The following NALF1 variants were observed in gnomAD, a reference collection of about 807,000 sequenced individuals.
NALF1 encodes the protein NALCN channel auxiliary factor 1.
Under a neutral mutation model 48.4 loss-of-function variants are expected in NALF1, and 3 were observed. The observed-to-expected ratio is 0.06, with a 90% CI of 0.03 to 0.16. The LOEUF (loss-of-function observed/expected upper bound fraction) is 0.16, where lower values mean the gene tolerates loss of function less well. Ranked by LOEUF, NALF1 falls within the 10% of genes least tolerant of loss-of-function variation. NALF1 has a pLI of 1.00. For missense variants in NALF1, 526 were observed against 571.5 expected, an observed-to-expected ratio of 0.92 and a Z score of 0.81; for synonymous variants, 262 against 245.7, an observed-to-expected ratio of 1.07 and a Z score of -0.62.
At chr13:107,859,069 G>A (rs767347383) in intron 1 of NALF1, among the ~76,000 whole-genome samples, 8 of 152,086 alleles carry the variant, frequency 5.3e-5, no homozygotes, top group South Asian at 2.1e-4. Flanking sequence ...TCTGAACTTC[G>A]AGTTCCCCAC....
chr13:107,579,073 C>A (rs1594139676), intron 1 of NALF1, among the ~76,000 whole-genome samples: 1 of 152,262 alleles, frequency 6.6e-6, no homozygotes, highest in African/African-American at 2.4e-5. Context: ...TGCTAACATT[C>A]CATAATCACC....
At chr13:107,431,060 G>T (rs1287045989) in intron 1 of NALF1, among the ~76,000 whole-genome samples, 1 of 141,452 alleles carries the variant, frequency 7.1e-6, no homozygotes, top group Non-Finnish European at 1.6e-5. Context: ...GTGATGATGA[G>T]CATTTTTTCG....
chr13:107,542,625 T>C (rs937361885), intron 1 of NALF1, among the ~76,000 whole-genome samples: 1 of 152,144 alleles, frequency 6.6e-6, no homozygotes, highest in Non-Finnish European at 1.5e-5. Context: ...TTATTTGACA[T>C]GTGATTAGTA....
At chr13:107,266,796 A>G (rs1881048066) in intron 1 of NALF1, among the ~76,000 whole-genome samples, 1 of 152,216 alleles carries the variant, frequency 6.6e-6, no homozygotes. Context: ...ACTCCTGTCT[A>G]TTGCTCAATA....
At chr13:107,537,892 C>A (rs771902943) in intron 1 of NALF1, among the ~76,000 whole-genome samples, 27 of 152,058 alleles carry the variant, frequency 1.8e-4, no homozygotes, top group Non-Finnish European at 3.4e-4. Flanking sequence ...GTGGCACATA[C>A]CTGTAATCCC....
chr13:107,545,656 G>C (rs889007867), intron 1 of NALF1, among the ~76,000 whole-genome samples: 1 of 152,042 alleles, frequency 6.6e-6, no homozygotes, highest in Non-Finnish European at 1.5e-5. Flanking sequence ...AGCATGGTCT[G>C]AAAAGGTGAG....
intron 1 of NALF1, among the ~76,000 whole-genome samples, chr13:107,665,283 C>T (rs1480968534): frequency 6.6e-6 from 1 of 152,046 alleles, no homozygotes; most frequent in African/African-American, 2.4e-5. Flanking sequence ...TAACAAGCAG[C>T]CAATGAGATT....
At chr13:107,461,388 G>A (rs1052800225) in intron 1 of NALF1, among the ~76,000 whole-genome samples, 1 of 152,092 alleles carries the variant, frequency 6.6e-6, no homozygotes, top group African/African-American at 2.4e-5. Flanking sequence ...CACATCTAAT[G>A]TCATTTATGA....
At chr13:107,416,805 A>G (rs1276954203) in intron 1 of NALF1, among the ~76,000 whole-genome samples, 1 of 152,244 alleles carries the variant, frequency 6.6e-6, no homozygotes. Context: ...TCTTTAAAAC[A>G]GTATTTACAT....
chr13:107,517,721 G>A (rs977936681), intron 1 of NALF1, among the ~76,000 whole-genome samples: 2 of 152,120 alleles, frequency 1.3e-5, no homozygotes, highest in African/African-American at 4.8e-5. Context: ...TTGGGAGTCT[G>A]AGGCAGGTGG....
intron 1 of NALF1, among the ~76,000 whole-genome samples, chr13:107,656,244 T>C (rs557005318): frequency 1.3e-5 from 2 of 151,866 alleles, no homozygotes; most frequent in South Asian, 4.1e-4. Context: ...GAAAAAATCT[T>C]CACAATCTAT....
chr13:107,395,265 C>T (rs528720202), intron 1 of NALF1, among the ~76,000 whole-genome samples: 4 of 152,254 alleles, frequency 2.6e-5, no homozygotes, highest in African/African-American at 9.6e-5. Flanking sequence ...ACATTCATTA[C>T]ACTTATACCT....
chr13:107,241,086 C>T (rs1594085197), intron 1 of NALF1, among the ~76,000 whole-genome samples: 1 of 143,446 alleles, frequency 7.0e-6, no homozygotes, highest in Middle Eastern at 3.6e-3. Flanking sequence ...CCGAACTACT[C>T]AGGAGGCTGA....
intron 1 of NALF1, among the ~76,000 whole-genome samples, chr13:107,468,501 A>G (rs891533685): frequency 1.3e-5 from 2 of 152,248 alleles, no homozygotes; most frequent in African/African-American, 4.8e-5. Flanking sequence ...ATCCACTTCA[A>G]TTGTGTGCAA....
intron 2 of NALF1, among the ~76,000 whole-genome samples, chr13:107,182,129 C>T (rs1410672846): frequency 3.9e-5 from 6 of 152,106 alleles, no homozygotes; most frequent in Non-Finnish European, 8.8e-5. Context: ...CTTTCGTCAT[C>T]GCCTAATCAC....
intron 1 of NALF1, among the ~76,000 whole-genome samples, chr13:107,582,830 T>G (rs1878352812): frequency 6.6e-6 from 1 of 152,160 alleles, no homozygotes; most frequent in Admixed American, 6.6e-5. Context: ...AGTTTGAAAC[T>G]TTCATGTGTA....
At chr13:107,538,414 C>A (rs1248735263) in intron 1 of NALF1, among the ~76,000 whole-genome samples, 5 of 152,092 alleles carry the variant, frequency 3.3e-5, no homozygotes, top group African/African-American at 1.2e-4. Flanking sequence ...TCGGCATAAT[C>A]CTACAACATA....
At chr13:107,681,729 C>T (rs1186479569) in intron 1 of NALF1, among the ~76,000 whole-genome samples, 1 of 152,124 alleles carries the variant, frequency 6.6e-6, no homozygotes, top group Non-Finnish European at 1.5e-5. Context: ...CTAGGGGAGG[C>T]CATCCTCTCA....
intron 1 of NALF1, among the ~76,000 whole-genome samples, chr13:107,615,357 CT>C (rs1879352402): frequency 6.6e-6 from 1 of 152,132 alleles, no homozygotes; most frequent in African/African-American, 2.4e-5. Flanking sequence ...GGTCTGCTCC[CT>C]TATGGCTTGC....
Sources: gnomAD v4.1 joint callset for allele counts (sites outside exome capture counted in the v4.1 genomes callset) on GRCh38, gnomAD v4.1.1 for gene constraint, MANE v1.5 for transcripts, NCBI Gene and HGNC (gene_info 2026-07-23, HGNC 2026-07-21) for gene names.